FARSB: variants seen among roughly 807,000 people sequenced by gnomAD.
FARSB encodes the protein phenylalanine--tRNA ligase beta subunit.
FARSB carries 40 observed loss-of-function variants against 69.6 expected under a neutral mutation model. The ratio of observed to expected loss-of-function variants is 0.57; its 90% CI spans 0.45 to 0.75. The LOEUF (loss-of-function observed/expected upper bound fraction) is 0.75. Ranked by LOEUF, FARSB falls within the 30% of genes least tolerant of loss-of-function variation. The probability of loss-of-function intolerance (pLI) is 0.00; values close to 1 mark genes in which losing one functional copy is unlikely to be tolerated. For missense variants in FARSB, 632 were observed against 722.9 expected, an observed-to-expected ratio of 0.87 and a Z score of 1.44; for synonymous variants, 235 against 247.2, an observed-to-expected ratio of 0.95 and a Z score of 0.46.
chr2:222,620,943 C>T (rs1691118905), intron 13 of FARSB, among the ~76,000 whole-genome samples: 1 of 152,200 alleles, frequency 6.6e-6, no homozygotes, highest in African/African-American at 2.4e-5. Context: ...AAGCCACATC[C>T]AGCCATAGCA....
In FARSB at chr2:222,599,955, C is replaced by G; in HGVS notation, c.1591G>C (p.Gly531Arg). 6 of 1,605,194 alleles carry G rather than the reference C, an allele frequency of 3.7e-6. No individual in the cohort carries two copies. The highest frequency in any genetic ancestry group is 5.1e-6 in the Non-Finnish European group (6 of 1,177,976). ...TCTGATGCTTTGATCACATATCCCCCCTTGTCTTCACCAGGAGGCACATCG... is the reference window on the plus strand; with the variant it reads ...TCTGATGCTTTGATCACATATCCCCGCTTGTCTTCACCAGGAGGCACATCG... ...LLDVPPGEDK[G>R]GYVIKASEGP... Residue 531 changes from glycine (G) to arginine (R), a missense_variant, in exon 16 of 17, where the codon GGG (glycine) becomes CGG (arginine). Coordinates refer to ENST00000281828, the MANE Select transcript of FARSB (RefSeq NM_005687.5).
At chr2:222,583,875 G>A (rs1048952279) in intron 16 of FARSB, among the ~76,000 whole-genome samples, 12 of 151,944 alleles carry the variant, frequency 7.9e-5, no homozygotes, top group Admixed American at 6.6e-5. Flanking sequence ...CTTTCCTGCC[G>A]CCCTGTGATG....
intron 16 of FARSB, among the ~76,000 whole-genome samples, chr2:222,583,897 A>G (rs2106182767): frequency 6.6e-6 from 1 of 152,210 alleles, no homozygotes; most frequent in Admixed American, 6.5e-5. Context: ...AATGCCTTTC[A>G]CCATGATTTT....
chr2:222,580,549 T>C (rs1276226438), intron 16 of FARSB, among the ~76,000 whole-genome samples: 2 of 151,646 alleles, frequency 1.3e-5, no homozygotes, highest in African/African-American at 4.8e-5. Context: ...ATTGTATAGC[T>C]CCTTATATAG....
chr2:222,599,607 C>T (rs1305454715), intron 16 of FARSB, among the ~76,000 whole-genome samples: 1 of 152,188 alleles, frequency 6.6e-6, no homozygotes, highest in Admixed American at 6.5e-5. Context: ...CCAGTTAAAA[C>T]TTCTGGGTTC....
rs1691482446 is a variant in FARSB, at chr2:222,633,213, G to A, written c.701C>T (p.Pro234Leu). ...YDSNGVVLSM[P>L]PIINGDHSRI... ...AAATAACTCACCATTGATGATGGGA[G>A]GCATTGAAAGGACGACACCATTGCT... The change falls in exon 7 of 17, where the codon CCT becomes CTT. Residue 234 changes from proline (P) to leucine (L), a missense_variant. Pro to Leu is a moderately conservative substitution (Grantham distance 98, BLOSUM62 -3). Transcript: ENST00000281828. The A allele has an allele frequency of 6.8e-7, 1 of 1,478,158 alleles. No homozygotes were observed. 91.6% of individuals were successfully genotyped at this position (1,478,158 alleles called of 1,614,324 possible).
intron 16 of FARSB, among the ~76,000 whole-genome samples, chr2:222,585,856 G>C (rs1418668897): frequency 6.6e-6 from 1 of 152,114 alleles, no homozygotes; most frequent in African/African-American, 2.4e-5. Flanking sequence ...AAGAAATATG[G>C]GACTATGTGA....
intron 13 of FARSB, among the ~76,000 whole-genome samples, chr2:222,621,388 A>C (rs1337213308): frequency 6.6e-6 from 1 of 152,078 alleles, no homozygotes; most frequent in African/African-American, 2.4e-5. Flanking sequence ...ACACCCGACT[A>C]ATTTTTGTAT....
At chr2:222,583,920 GC>G (rs890586100) in intron 16 of FARSB, among the ~76,000 whole-genome samples, 10 of 152,114 alleles carry the variant, frequency 6.6e-5, no homozygotes, top group African/African-American at 2.4e-4. Context: ...GTTTCCTGAG[GC>G]CTCCCAAGCC....
intron 15 of FARSB, among the ~76,000 whole-genome samples, chr2:222,613,197 A>C (rs1690902625): frequency 6.6e-6 from 1 of 152,214 alleles, no homozygotes; most frequent in Admixed American, 6.5e-5. Flanking sequence ...GATTCAAATA[A>C]ATTAATCATG....
At chr2:222,627,940 A>G (rs1357675987) in intron 10 of FARSB, among the ~76,000 whole-genome samples, 2 of 152,246 alleles carry the variant, frequency 1.3e-5, no homozygotes, top group Non-Finnish European at 2.9e-5. Context: ...CCACGAAGTG[A>G]CTGTGATACT....
Position 222,569,532 on chromosome 2 carries a change from C to T in FARSB, c.*2339G>A, listed in dbSNP as rs1689679809. ...CAGTAAAATACTACATGTTACATTACATTCTTTTTCTCCCAGCTTTACAAA... is the reference window on the plus strand; with the variant it reads ...CAGTAAAATACTACATGTTACATTATATTCTTTTTCTCCCAGCTTTACAAA... On this transcript the variant is annotated 3_prime_UTR_variant, in exon 17 of 17. Coordinates refer to ENST00000281828, the MANE Select transcript of FARSB (RefSeq NM_005687.5). 6.6e-6 allele frequency: 1 copy of T among 152,172 alleles called. No homozygotes were observed. The allele number at this position is 152,172 out of a possible 1,614,324, so 9.4% of individuals were successfully genotyped here.
intron 16 of FARSB, among the ~76,000 whole-genome samples, chr2:222,595,376 G>A (rs975232093): frequency 6.6e-6 from 1 of 152,134 alleles, no homozygotes; most frequent in East Asian, 1.9e-4. Context: ...TTTAGCATCT[G>A]AAATCTTTCA....
At chr2:222,631,058 A>G (rs940755689) in intron 8 of FARSB, among the ~76,000 whole-genome samples, 3 of 152,342 alleles carry the variant, frequency 2.0e-5, no homozygotes, top group African/African-American at 4.8e-5. Context: ...AAAAGCTTTC[A>G]TAGCAATCCA....
intron 1 of FARSB, among the ~76,000 whole-genome samples, chr2:222,650,167 C>T (rs1691993960): frequency 6.6e-6 from 1 of 152,250 alleles, no homozygotes; most frequent in African/African-American, 2.4e-5. Context: ...CGTGAAACAG[C>T]ATGGCAAATT....
At chr2:222,623,916 C>A (rs1432610849) in intron 12 of FARSB, among the ~76,000 whole-genome samples, 186 bp from the exon 13 acceptor site, 3 of 152,158 alleles carry the variant, frequency 2.0e-5, no homozygotes, top group African/African-American at 7.2e-5. Context: ...TCCTCCCTCC[C>A]CACCGCTCTG....
At chr2:222,620,046 A>G in intron 13 of FARSB, among the ~76,000 whole-genome samples, 1 of 152,148 alleles carries the variant, frequency 6.6e-6, no homozygotes, top group East Asian at 1.9e-4. Context: ...TTTCACATGG[A>G]GATGGTATAA....
At chr2:222,632,146 A>T (rs1691447495) in intron 7 of FARSB, among the ~76,000 whole-genome samples, 1 of 152,148 alleles carries the variant, frequency 6.6e-6, no homozygotes, top group African/African-American at 2.4e-5. Flanking sequence ...AAAATAATAA[A>T]AAAAAAACCT....
intron 3 of FARSB, among the ~76,000 whole-genome samples, chr2:222,641,934 T>A (rs1023255854): frequency 1.4e-4 from 21 of 152,124 alleles, no homozygotes; most frequent in African/African-American, 5.1e-4. Flanking sequence ...AATGAAGAAG[T>A]AATCAAAAAT....
Sources: gnomAD v4.1 joint callset for allele counts (sites outside exome capture counted in the v4.1 genomes callset) on GRCh38, gnomAD v4.1.1 for gene constraint, MANE v1.5 for transcripts, NCBI Gene and HGNC (gene_info 2026-07-23, HGNC 2026-07-21) for gene names.